Variants in KCNIP4 observed in about 807,000 individuals in gnomAD.
KCNIP4 encodes the protein potassium voltage-gated channel interacting protein 4.
Under a neutral mutation model 34.0 loss-of-function variants are expected in KCNIP4, and 12 were observed. The observed-to-expected ratio is 0.35, with a 90% CI of 0.23 to 0.57. The LOEUF (loss-of-function observed/expected upper bound fraction) is 0.57. KCNIP4 is among the 20% of genes least tolerant of loss of function. The pLI is 0.83. For synonymous variants in KCNIP4, 124 were observed against 102.2 expected, an observed-to-expected ratio of 1.21 and a Z score of -1.29; for missense variants, 238 against 311.7, an observed-to-expected ratio of 0.76 and a Z score of 1.78.
chr4:21,936,825 A>T (rs1729887975), intron 1 of KCNIP4, among the ~76,000 whole-genome samples: 3 of 152,162 alleles, frequency 2.0e-5, no homozygotes, highest in Middle Eastern at 6.8e-3. Context: ...TTAGTTAACA[A>T]ATATGGGCCT....
chr4:21,836,292 ACACC>A (rs142628218), intron 1 of KCNIP4, among the ~76,000 whole-genome samples: 2,381 of 152,262 alleles, frequency 0.016, 65 homozygotes, highest in African/African-American at 0.053. Context: ...CTTTCTTTAG[ACACC>A]CTGGGAAAAC....
intron 1 of KCNIP4, among the ~76,000 whole-genome samples, chr4:21,074,537 T>A (rs1385009080): frequency 6.6e-6 from 1 of 152,316 alleles, no homozygotes; most frequent in East Asian, 1.9e-4. Context: ...TTTTCTTCTT[T>A]ATTAGTCTTG....
chr4:21,694,607 A>G (rs1376929168), intron 1 of KCNIP4, among the ~76,000 whole-genome samples: 1 of 152,080 alleles, frequency 6.6e-6, no homozygotes, highest in African/African-American at 2.4e-5. Flanking sequence ...CTCTAAAAAA[A>G]TTATTTTAGA....
intron 1 of KCNIP4, among the ~76,000 whole-genome samples, chr4:20,942,568 T>C (rs1291238150): frequency 6.6e-6 from 1 of 152,236 alleles, no homozygotes; most frequent in Non-Finnish European, 1.5e-5. Context: ...TCCACAGTGC[T>C]CAGATAAGGA....
intron 1 of KCNIP4, among the ~76,000 whole-genome samples, chr4:21,039,660 C>T (rs1741777683): frequency 6.6e-6 from 1 of 152,154 alleles, no homozygotes; most frequent in Non-Finnish European, 1.5e-5. Flanking sequence ...TGCAGAGTGA[C>T]ATTCAATTGC....
At chr4:21,063,648 C>G (rs1415248060) in intron 1 of KCNIP4, among the ~76,000 whole-genome samples, 1 of 151,908 alleles carries the variant, frequency 6.6e-6, no homozygotes, top group African/African-American at 2.4e-5. Context: ...TTATATCACA[C>G]CAGTCTAAAG....
intron 1 of KCNIP4, among the ~76,000 whole-genome samples, chr4:21,031,726 T>G (rs1741042353): frequency 1.3e-5 from 2 of 152,184 alleles, no homozygotes. Flanking sequence ...CTAAATGAAT[T>G]TTAGGATCCA....
intron 3 of KCNIP4, among the ~76,000 whole-genome samples, chr4:20,822,542 C>A (rs943424205): frequency 6.6e-6 from 1 of 152,134 alleles, no homozygotes; most frequent in African/African-American, 2.4e-5. Context: ...TAAGGTAGAA[C>A]TACCATTCAA....
chr4:21,020,492 C>T (rs554568872), intron 1 of KCNIP4, among the ~76,000 whole-genome samples: 40 of 152,242 alleles, frequency 2.6e-4, no homozygotes, highest in Admixed American at 2.0e-3. Flanking sequence ...GATAGGTAAA[C>T]ACCCTCTGCA....
At chr4:21,860,982 C>T (rs1281406291) in intron 1 of KCNIP4, among the ~76,000 whole-genome samples, 1 of 152,182 alleles carries the variant, frequency 6.6e-6, no homozygotes, top group Non-Finnish European at 1.5e-5. Context: ...CTCAGTGCTA[C>T]AAATGGCAAC....
chr4:20,944,270 A>G (rs1354700575), intron 1 of KCNIP4, among the ~76,000 whole-genome samples: 1 of 152,168 alleles, frequency 6.6e-6, no homozygotes, highest in Non-Finnish European at 1.5e-5. Flanking sequence ...GAGCAGTTTC[A>G]TGTCTATGCT....
chr4:20,989,118 T>G (rs531828236), intron 1 of KCNIP4, among the ~76,000 whole-genome samples: 3 of 152,348 alleles, frequency 2.0e-5, no homozygotes, highest in South Asian at 4.1e-4. Context: ...CCCTTTGAGT[T>G]ACTCTTCATT....
intron 1 of KCNIP4, among the ~76,000 whole-genome samples, chr4:21,674,697 A>G (rs896620055): frequency 1.3e-5 from 2 of 152,074 alleles, no homozygotes; most frequent in African/African-American, 4.8e-5. Context: ...CCTATATCAT[A>G]CCACTTTCAT....
intron 1 of KCNIP4, among the ~76,000 whole-genome samples, chr4:21,445,872 C>A (rs555402295): frequency 2.4e-4 from 36 of 152,280 alleles, no homozygotes; most frequent in Non-Finnish European, 4.6e-4. Flanking sequence ...GCAATCTACT[C>A]ATCTGACAAA....
At chr4:20,772,922 C>T (rs922958589) in intron 3 of KCNIP4, among the ~76,000 whole-genome samples, 10 of 151,386 alleles carry the variant, frequency 6.6e-5, no homozygotes, top group African/African-American at 2.4e-4. Flanking sequence ...GCGTCAGCCA[C>T]CACACCCGGC....
intron 1 of KCNIP4, among the ~76,000 whole-genome samples, chr4:21,664,300 TG>T (rs1266306280): frequency 6.6e-6 from 1 of 152,040 alleles, no homozygotes; most frequent in African/African-American, 2.4e-5. Flanking sequence ...AGCAGTTCTG[TG>T]AACTAGTCAC....
intron 3 of KCNIP4, among the ~76,000 whole-genome samples, chr4:20,798,745 G>T (rs1713833299): frequency 1.3e-5 from 2 of 152,068 alleles, no homozygotes; most frequent in Admixed American, 6.5e-5. Context: ...ACTCCTTTCT[G>T]CAGGGAAAAA....
chr4:21,479,477 TG>T (rs1240372677), intron 1 of KCNIP4, among the ~76,000 whole-genome samples: 1 of 152,106 alleles, frequency 6.6e-6, no homozygotes, highest in Non-Finnish European at 1.5e-5. Flanking sequence ...GCTATAAAGC[TG>T]TATGGTTTAA....
chr4:21,662,153 G>A (rs1387746597), intron 1 of KCNIP4, among the ~76,000 whole-genome samples: 4 of 152,168 alleles, frequency 2.6e-5, no homozygotes, highest in Admixed American at 2.0e-4. Context: ...ACAATCTGAA[G>A]CTTAAAGAAA....
Sources: gnomAD v4.1 joint callset for allele counts (sites outside exome capture counted in the v4.1 genomes callset) on GRCh38, gnomAD v4.1.1 for gene constraint, MANE v1.5 for transcripts, NCBI Gene and HGNC (gene_info 2026-07-23, HGNC 2026-07-21) for gene names.